CNPY1: variants seen among roughly 807,000 people sequenced by gnomAD.
CNPY1 encodes the protein canopy FGF signaling regulator 1.
In CNPY1, 14 loss-of-function variants were observed where a neutral mutation model predicts 14.4. That is an observed-to-expected ratio of 0.97 (90% CI 0.64 to 1.52). The LOEUF is 1.52. Among genes scored for constraint, CNPY1 ranks in the 40% most tolerant of loss-of-function variants. The pLI is 0.00. For missense variants in CNPY1, 129 were observed against 131.5 expected, an observed-to-expected ratio of 0.98 and a Z score of 0.09; for synonymous variants, 43 against 46.5, an observed-to-expected ratio of 0.92 and a Z score of 0.31.
Position 155,540,560 on chromosome 7 carries a change from T to C in CNPY1, c.99+5271A>G, listed in dbSNP as rs376248366. Reference sequence around the variant, plus strand: ...CCGGATATTGGCCTCGTCCTCACTGTTGCTGTTGGTGCTTTCTGTTTGAAC... The same window carrying C: ...CCGGATATTGGCCTCGTCCTCACTGCTGCTGTTGGTGCTTTCTGTTTGAAC... On this transcript the variant is annotated intron_variant, in intron 2 of 4. Coordinates refer to ENST00000636446, the MANE Select transcript of CNPY1 (RefSeq NM_001393663.1). Among the ~76,000 whole-genome samples the C allele has an allele frequency of 9.2e-5, 14 of 152,368 alleles. No homozygotes were observed. In the East Asian group the frequency reaches 2.7e-3, roughly 29 times the overall value.
chr7:155,519,594 A>T (rs1796681215), intron 2 of CNPY1, among the ~76,000 whole-genome samples: 1 of 152,010 alleles, frequency 6.6e-6, no homozygotes, highest in Non-Finnish European at 1.5e-5. Context: ...GGTGCAAAGT[A>T]TAAAGAACAG....
At chr7:155,534,397 A>G (rs1257863497) in intron 2 of CNPY1, among the ~76,000 whole-genome samples, 1 of 152,168 alleles carries the variant, frequency 6.6e-6, no homozygotes, top group African/African-American at 2.4e-5. Context: ...ACACACATGC[A>G]CGTGTACACA....
At chr7:155,521,074 G>T (rs1796713933) in intron 2 of CNPY1, among the ~76,000 whole-genome samples, 1 of 150,242 alleles carries the variant, frequency 6.7e-6, no homozygotes, top group South Asian at 2.1e-4. Flanking sequence ...AAGGAAGGAA[G>T]GAAGCAAGGA....
chr7:155,531,921 C>G (rs959118290), intron 2 of CNPY1, among the ~76,000 whole-genome samples: 4 of 152,188 alleles, frequency 2.6e-5, no homozygotes, highest in Admixed American at 2.0e-4. Flanking sequence ...CAGCAAGAAG[C>G]CCCGAGCAAG....
intron 2 of CNPY1, among the ~76,000 whole-genome samples, chr7:155,526,306 C>T (rs550841904): frequency 1.2e-4 from 19 of 152,294 alleles, no homozygotes; most frequent in South Asian, 8.3e-4. Flanking sequence ...GTCGACTCCA[C>T]AGGTAGACGG....
At chr7:155,517,218 G>A (rs1796637751) in intron 2 of CNPY1, among the ~76,000 whole-genome samples, 1 of 152,112 alleles carries the variant, frequency 6.6e-6, no homozygotes, top group Admixed American at 6.5e-5. Flanking sequence ...TTTCAAATCT[G>A]GCCAGTGTCC....
At chr7:155,512,221 C>T (rs56226309) in intron 2 of CNPY1, among the ~76,000 whole-genome samples, 25,549 of 152,142 alleles carry the variant, frequency 0.17, 2,674 homozygotes, top group East Asian at 0.32. Flanking sequence ...AGAGAAAACC[C>T]ACGCACTGGC....
chr7:155,510,114 T>G (rs1293705547), intron 2 of CNPY1, among the ~76,000 whole-genome samples: 1 of 152,252 alleles, frequency 6.6e-6, no homozygotes, highest in African/African-American at 2.4e-5. Flanking sequence ...ACTCGATTTC[T>G]GCAGTGTTGA....
rs1313200164 is a variant in CNPY1, at chr7:155,536,556, T to C, written c.99+9275A>G. 2.6e-5 allele frequency among the ~76,000 whole-genome samples: 4 copies of C among 152,004 alleles called. No homozygotes were observed. The highest frequency in any genetic ancestry group is 5.9e-5 in the Non-Finnish European group (4 of 68,006). On this transcript the variant is annotated intron_variant, in intron 2 of 4. Coordinates refer to ENST00000636446, the MANE Select transcript of CNPY1 (RefSeq NM_001393663.1). The surrounding 1 kb of genome is among the most constrained non-coding windows in gnomAD (Gnocchi z 4.1). ...AACTAGGTGAGGACATGTGCTGGAGTCCCAGCCGTGGAACGTAGGCAGAAG... is the reference window on the plus strand; with the variant it reads ...AACTAGGTGAGGACATGTGCTGGAGCCCCAGCCGTGGAACGTAGGCAGAAG...
At position 155,536,194 on chromosome 7, in the gene CNPY1, C is replaced by T. The variant is rs1427092273; in HGVS notation, c.99+9637G>A. ...GCAGTGGTGAAACAGGGACTTGCAG[C>T]ATTACCTGTGGTTACCTGGAGTGAA... On this transcript the variant is annotated intron_variant, in intron 2 of 4. Transcript: ENST00000636446. This position sits in a 1 kb window ranked among gnomAD's most constrained non-coding sequence, Gnocchi z 4.1. 6.6e-6 allele frequency among the ~76,000 whole-genome samples: 1 copy of T among 152,114 alleles called. No individual in the cohort carries two copies. Among genetic ancestry groups the T allele is most frequent in the Non-Finnish European group, 1.5e-5 (1 of 68,036 alleles).
intron 2 of CNPY1, among the ~76,000 whole-genome samples, chr7:155,537,773 T>C (rs1797040534): frequency 6.6e-6 from 1 of 152,222 alleles, no homozygotes; most frequent in Admixed American, 6.5e-5. Flanking sequence ...GTGTATAGTG[T>C]TCCATCTTCT....
At chr7:155,537,161 G>T (rs117236625) in intron 2 of CNPY1, among the ~76,000 whole-genome samples, 3 of 152,100 alleles carry the variant, frequency 2.0e-5, no homozygotes, top group Non-Finnish European at 4.4e-5. Flanking sequence ...TGAGACCCAC[G>T]TGTCTCAGAA....
chr7:155,529,077 G>T (rs1796889210), intron 2 of CNPY1, among the ~76,000 whole-genome samples: 1 of 149,722 alleles, frequency 6.7e-6, no homozygotes, highest in South Asian at 2.2e-4. Context: ...AAAAAGAAAA[G>T]AAAAAACAAC....
chr7:155,518,835 T>G (rs1796667962), intron 2 of CNPY1, among the ~76,000 whole-genome samples: 1 of 152,192 alleles, frequency 6.6e-6, no homozygotes, highest in Non-Finnish European at 1.5e-5. Context: ...ACGGGCAGCC[T>G]GTGTGGTGGA....
intron 2 of CNPY1, among the ~76,000 whole-genome samples, chr7:155,541,663 T>G (rs1212777612): frequency 2.0e-5 from 3 of 152,220 alleles, no homozygotes; most frequent in Non-Finnish European, 4.4e-5. Context: ...GTGGGGCGAC[T>G]GTCCATGGGT....
At chr7:155,514,152 G>A (rs755193961) in intron 2 of CNPY1, among the ~76,000 whole-genome samples, 4 of 152,186 alleles carry the variant, frequency 2.6e-5, no homozygotes, top group Admixed American at 2.0e-4. Flanking sequence ...CGGCATAAAC[G>A]GAGCATGATG....
intron 2 of CNPY1, among the ~76,000 whole-genome samples, chr7:155,543,402 A>C (rs1398155867): frequency 1.3e-5 from 2 of 152,190 alleles, no homozygotes; most frequent in Non-Finnish European, 2.9e-5. Flanking sequence ...AAGTCCAAGC[A>C]GAGCAAGGGC....
chr7:155,502,816 A>G lies in CNPY1; in HGVS notation c.*252T>C. On this transcript the variant is annotated 3_prime_UTR_variant, in exon 5 of 5. Transcript: ENST00000636446. ...TACAGAATTAAATCCTCTATTGTCA[A>G]GCTTGATTTATCAAAATCTGCAAAG... 2.0e-6 allele frequency: 1 copy of G among 496,892 alleles called. No individual in the cohort carries two copies. Among genetic ancestry groups the G allele is most frequent in the Non-Finnish European group, 3.6e-6 (1 of 279,934 alleles). The allele number at this position is 496,892 out of a possible 1,614,324, so 30.8% of individuals were successfully genotyped here. A position where few individuals can be genotyped will look rare whatever the true frequency, so the allele number is the denominator to read the frequency against.
At chr7:155,528,342 G>A (rs944101589) in intron 2 of CNPY1, among the ~76,000 whole-genome samples, 5 of 152,224 alleles carry the variant, frequency 3.3e-5, no homozygotes, top group African/African-American at 1.2e-4. Context: ...GGCGGGCCCA[G>A]GAGCCCAGAC....
Sources: allele counts gnomAD v4.1 joint callset (sites outside exome capture counted in the v4.1 genomes callset), GRCh38; gene constraint gnomAD v4.1.1; non-coding constraint Gnocchi (gnomAD v3.1); transcripts MANE v1.5; gene names NCBI Gene and HGNC (gene_info 2026-07-23, HGNC 2026-07-21).